MTMR1: variants seen among roughly 807,000 people sequenced by gnomAD.
The protein encoded by MTMR1 is phosphatidylinositol-3-phosphate phosphatase MTMR1.
A neutral mutation model predicts 51.6 loss-of-function variants in MTMR1; 17 were observed. The observed-to-expected ratio is 0.33, with a 90% CI of 0.23 to 0.49. The LOEUF is 0.49. MTMR1 is among the 20% of genes least tolerant of loss of function. MTMR1 has a pLI of 0.99. For synonymous variants in MTMR1, 201 were observed against 205.6 expected, an observed-to-expected ratio of 0.98 and a Z score of 0.19; for missense variants, 386 against 526.9, an observed-to-expected ratio of 0.73 and a Z score of 2.62.
intron 13 of MTMR1, 70 bp downstream of exon 13, chrX:150,744,523 G>A (rs370447644): frequency 3.6e-6 from 3 of 843,381 alleles, no homozygotes; most frequent in South Asian, 2.4e-5. Context: ...AACTATTATT[G>A]CTGTTTCATT....
intron 12 of MTMR1, among the ~76,000 whole-genome samples, chrX:150,743,689 A>G (rs1295894819): frequency 8.9e-6 from 1 of 112,411 alleles, no homozygotes; most frequent in Non-Finnish European, 1.9e-5. Context: ...CCCTTCAGCT[A>G]TCTTTTTACT....
At chrX:150,704,572 T>G (rs1286357387) in intron 2 of MTMR1, among the ~76,000 whole-genome samples, 1 of 111,691 alleles carries the variant, frequency 9.0e-6, no homozygotes, top group Admixed American at 9.4e-5. Context: ...GAGGCACCCC[T>G]TTTTCTCTCA....
chrX:150,751,977 C>T (rs1244522873), intron 14 of MTMR1, among the ~76,000 whole-genome samples: 2 of 94,357 alleles, frequency 2.1e-5, no homozygotes, highest in Non-Finnish European at 4.1e-5. Flanking sequence ...AGTGCAGTGG[C>T]GCCATCTCAG....
At chrX:150,758,707 C>A (rs1290596201) in intron 15 of MTMR1, among the ~76,000 whole-genome samples, 1 of 108,984 alleles carries the variant, frequency 9.2e-6, no homozygotes, top group Non-Finnish European at 1.9e-5. Context: ...AGAAGAATCG[C>A]TTGAACCTGG....
intron 13 of MTMR1, among the ~76,000 whole-genome samples, chrX:150,749,181 T>C (rs1370565250): frequency 8.9e-6 from 1 of 112,376 alleles, no homozygotes; most frequent in Non-Finnish European, 1.9e-5. Flanking sequence ...TCAGCTAATA[T>C]AATAGCCTGG....
intron 14 of MTMR1, 178 bp downstream of exon 14, chrX:150,751,021 C>G: frequency 8.6e-7 from 1 of 1,158,018 alleles, no homozygotes. Flanking sequence ...CAAGCCCCTT[C>G]CTTTCTAGGC....
At chrX:150,751,304 T>C in intron 14 of MTMR1, 1 of 607,043 alleles carries the variant, frequency 1.6e-6, no homozygotes, top group Non-Finnish European at 2.0e-6. Context: ...TTCTCAGAGT[T>C]ACATCTCATT....
intron 15 of MTMR1, 65 bp downstream of exon 15, chrX:150,755,930 G>A (rs1170707821): frequency 1.0e-4 from 97 of 928,014 alleles, no homozygotes; most frequent in Non-Finnish European, 1.3e-4. Flanking sequence ...AAAGATGGTG[G>A]TATGAAAATG....
At chrX:150,747,463 TA>T (rs1231083152) in intron 13 of MTMR1, among the ~76,000 whole-genome samples, 1 of 110,574 alleles carries the variant, frequency 9.0e-6, no homozygotes, top group Non-Finnish European at 1.9e-5. Context: ...TCTAAAACAA[TA>T]AAAAAGGAGG....
At chrX:150,749,001 T>C (rs1258807515) in intron 13 of MTMR1, among the ~76,000 whole-genome samples, 1 of 112,478 alleles carries the variant, frequency 8.9e-6, no homozygotes, top group East Asian at 2.8e-4. Context: ...TTAGTTCATC[T>C]AAGAACAAGG....
chrX:150,705,825 C>T (rs2041081659), intron 2 of MTMR1, among the ~76,000 whole-genome samples: 2 of 111,760 alleles, frequency 1.8e-5, no homozygotes, highest in Non-Finnish European at 3.8e-5. Flanking sequence ...TTAGTGAGGT[C>T]ACAGGATACA....
At position 150,718,614 on chromosome X, in the gene MTMR1, T is replaced by TGCAGGG; in HGVS notation, c.277-11_277-10insGCAGGG. On this transcript the variant is annotated splice_polypyrimidine_tract_variant and intron_variant, in intron 3 of 15. Coordinates refer to ENST00000445323, the MANE Select transcript of MTMR1 (RefSeq NM_001306144.3). ...TTTTTTTTTTTTTTTTTTTTTTTTTTTTTTTGCCAGGCTCTAAGGGATGGA... is the reference window on the plus strand; with the variant it reads ...TTTTTTTTTTTTTTTTTTTTTTTTTTGCAGGGTTTTTGCCAGGCTCTAAGGGATGGA... 1 of 668,077 alleles carries TGCAGGG rather than the reference T, an allele frequency of 1.5e-6. No homozygotes were observed. The allele number at this position is 668,077 out of a possible 1,213,427, so 55.1% of individuals were successfully genotyped here. A position where few individuals can be genotyped will look rare whatever the true frequency, so the allele number is the denominator to read the frequency against.
intron 2 of MTMR1, among the ~76,000 whole-genome samples, chrX:150,710,349 T>TTGTTG (rs1171848132): frequency 1.8e-5 from 2 of 111,420 alleles, no homozygotes; most frequent in Non-Finnish European, 3.8e-5. Context: ...TTTTCTGTTT[T>TTGTTG]TGTTGTTTTG....
chrX:150,696,058 A>T (rs1032453849), intron 1 of MTMR1, among the ~76,000 whole-genome samples: 1 of 111,516 alleles, frequency 9.0e-6, no homozygotes, highest in African/African-American at 3.3e-5. Context: ...TGAGCGGCTG[A>T]TGCTGGTTTA....
At chrX:150,716,390 T>G (rs2041516323) in intron 3 of MTMR1, among the ~76,000 whole-genome samples, 1 of 112,765 alleles carries the variant, frequency 8.9e-6, no homozygotes, top group Admixed American at 9.3e-5. Flanking sequence ...TAAGTATACC[T>G]GTTAGTTTAT....
intron 3 of MTMR1, among the ~76,000 whole-genome samples, chrX:150,716,675 A>G (rs1381130307): frequency 8.9e-6 from 1 of 112,110 alleles, no homozygotes; most frequent in Non-Finnish European, 1.9e-5. Context: ...CATAGCCCTG[A>G]CCAACATTTA....
intron 9 of MTMR1, 139 bp downstream of exon 9, chrX:150,731,758 A>G: frequency 2.1e-6 from 1 of 471,421 alleles, no homozygotes; most frequent in Non-Finnish European, 3.2e-6. Flanking sequence ...CATACCTTTG[A>G]TTCTCAACAA....
chrX:150,707,091 T>C (rs908960359), intron 2 of MTMR1, among the ~76,000 whole-genome samples: 6 of 111,360 alleles, frequency 5.4e-5, no homozygotes, highest in African/African-American at 2.0e-4. Flanking sequence ...GATCTAAGTC[T>C]CACATCTTAT....
intron 15 of MTMR1, among the ~76,000 whole-genome samples, chrX:150,758,936 G>T (rs2042990816): frequency 8.9e-6 from 1 of 112,531 alleles, no homozygotes; most frequent in African/African-American, 3.2e-5. Context: ...CCCCAGATGA[G>T]AACTGAGTTT....
Sources: allele counts gnomAD v4.1 joint callset (sites outside exome capture counted in the v4.1 genomes callset), GRCh38; gene constraint gnomAD v4.1.1; transcripts MANE v1.5; gene names NCBI Gene and HGNC (gene_info 2026-07-23, HGNC 2026-07-21).